The following VWC2 variants were observed in gnomAD, a reference collection of about 807,000 sequenced individuals.
VWC2 encodes the protein von Willebrand factor C domain containing 2, also known as brorin.
In VWC2, 14 loss-of-function variants were observed where a neutral mutation model predicts 29.8. The observed-to-expected ratio is 0.47, with a 90% CI of 0.31 to 0.74. VWC2 has a LOEUF of 0.74. Ranked by LOEUF, VWC2 falls within the 30% of genes least tolerant of loss-of-function variation. The pLI is 0.05. For missense variants in VWC2, 457 were observed against 459.8 expected (o/e 0.99, Z 0.05); for synonymous variants, 213 against 199.0 (o/e 1.07, Z -0.59).
Position 49,775,777 on chromosome 7 carries a change from C to T in VWC2, c.342C>T (p.Arg114=), listed in dbSNP as rs1281631745. The T allele has an allele frequency of 1.3e-6, 2 of 1,520,586 alleles. No homozygotes were observed. The highest frequency in any genetic ancestry group is 2.5e-5 in the East Asian group (1 of 39,920). 94.2% of individuals were successfully genotyped at this position (1,520,586 alleles called of 1,614,324 possible). A position where few individuals can be genotyped will look rare whatever the true frequency, so the allele number is the denominator to read the frequency against. ...AKAGDLQVRP[R]GDTPQAEALA... ...CCGGGGATCTGCAGGTCCGGCCCCG[C>T]GGGGACACCCCGCAGGCGGAAGCCC... is the stretch of plus-strand genomic sequence containing the variant. Residue 114 remains arginine, a synonymous_variant, in exon 2 of 4, where the codon CGC becomes CGT. Transcript: ENST00000340652.
chr7:49,878,713 T>TA (rs1791550336), intron 3 of VWC2, among the ~76,000 whole-genome samples: 1 of 152,180 alleles, frequency 6.6e-6, no homozygotes, highest in Admixed American at 6.5e-5. Flanking sequence ...CATAATCTTT[T>TA]AAAAAATTGC....
intron 2 of VWC2, among the ~76,000 whole-genome samples, chr7:49,795,890 T>G (rs2128704671): frequency 6.6e-6 from 1 of 152,184 alleles, no homozygotes; most frequent in South Asian, 2.1e-4. Context: ...CACATAGGGG[T>G]TAAGAACCTC....
rs1295274895 is a variant in VWC2, at chr7:49,886,828, C to A, written c.827-25206C>A. Among the ~76,000 whole-genome samples the A allele has an allele frequency of 5.3e-5, 8 of 152,126 alleles. No individual in the cohort carries two copies. The South Asian group carries it at 1.0e-3, about 20-fold the overall frequency. On this transcript the variant is annotated intron_variant, in intron 3 of 3. Transcript: ENST00000340652. ...ACTTTGGTGCTCCTCTGCTTTTAAT[C>A]AAAAATATTTAGCCTTTATTGCATA...
At chr7:49,839,985 C>T (rs568153851) in intron 3 of VWC2, among the ~76,000 whole-genome samples, 147 of 152,286 alleles carry the variant, frequency 9.7e-4, no homozygotes, top group African/African-American at 3.4e-3. Flanking sequence ...AGGGCCCAGG[C>T]AGTAAGGTCT....
chr7:49,891,738 C>G (rs952005574), intron 3 of VWC2, among the ~76,000 whole-genome samples: 6 of 152,194 alleles, frequency 3.9e-5, no homozygotes, highest in African/African-American at 1.4e-4. Context: ...AGTACACATG[C>G]CCTGTGACCC....
At chr7:49,807,907 A>C (rs759832366) in intron 3 of VWC2, among the ~76,000 whole-genome samples, 1 of 152,130 alleles carries the variant, frequency 6.6e-6, no homozygotes, top group Non-Finnish European at 1.5e-5. Context: ...CATCCAAATA[A>C]AGCAGAGAGA....
rs893934290 is a variant in VWC2 at position 49,919,526 on chromosome 7, T to G, written c.*7341T>G. ...GTGCCTGCTTGGGCTAGTTATACTC[T>G]GCAGTATACCCTGGTTTATTGTGAG... On this transcript the variant is annotated 3_prime_UTR_variant, in exon 4 of 4. Transcript: ENST00000340652. 1 of 152,180 alleles carries G rather than the reference T, an allele frequency of 6.6e-6. No individual in the cohort carries two copies. The highest frequency in any genetic ancestry group is 6.5e-5 in the Admixed American group (1 of 15,282). 9.4% of individuals were successfully genotyped at this position (152,180 alleles called of 1,614,324 possible). A position where few individuals can be genotyped will look rare whatever the true frequency, so the allele number is the denominator to read the frequency against.
chr7:49,833,852 T>G (rs538009110), intron 3 of VWC2, among the ~76,000 whole-genome samples: 1 of 152,320 alleles, frequency 6.6e-6, no homozygotes, highest in African/African-American at 2.4e-5. Context: ...AGATTCTATC[T>G]ATAAGTCAGG....
At chr7:49,791,324 C>T (rs1788458230) in intron 2 of VWC2, among the ~76,000 whole-genome samples, 2 of 152,174 alleles carry the variant, frequency 1.3e-5, no homozygotes, top group African/African-American at 2.4e-5. Flanking sequence ...GCTGCTTGTC[C>T]TGGGCTACGC....
intron 3 of VWC2, among the ~76,000 whole-genome samples, chr7:49,852,472 G>A (rs1032353893): frequency 1.3e-5 from 2 of 152,214 alleles, no homozygotes; most frequent in Non-Finnish European, 2.9e-5. Flanking sequence ...GCCCTTTAGG[G>A]AGATAATTTC....
At chr7:49,886,833 A>C (rs1791924862) in intron 3 of VWC2, among the ~76,000 whole-genome samples, 1 of 152,212 alleles carries the variant, frequency 6.6e-6, no homozygotes, top group Admixed American at 6.5e-5. Context: ...TTAATCAAAA[A>C]TATTTAGCCT....
At chr7:49,781,005 G>A (rs777033391) in intron 2 of VWC2, among the ~76,000 whole-genome samples, 2 of 152,130 alleles carry the variant, frequency 1.3e-5, no homozygotes, top group South Asian at 2.1e-4. Flanking sequence ...AGAAAGCTAC[G>A]GTTATTCACA....
At chr7:49,807,344 C>T (rs1788902302) in intron 3 of VWC2, among the ~76,000 whole-genome samples, 2 of 152,120 alleles carry the variant, frequency 1.3e-5, no homozygotes, top group Admixed American at 6.5e-5. Flanking sequence ...TGAGAAATAT[C>T]CAAGAGGAAC....
rs1388609094 is a variant in VWC2 at position 49,914,440 on chromosome 7, C to T, written c.*2255C>T. ...AGTTTGACCTGCAGGGTCACCAGCA[C>T]ACACTCCTAAGAGCTAAAGCTCAAT... is the stretch of plus-strand genomic sequence containing the variant. On this transcript the variant is annotated 3_prime_UTR_variant, in exon 4 of 4. Coordinates refer to ENST00000340652, the MANE Select transcript of VWC2 (RefSeq NM_198570.5). 6.6e-6 allele frequency: 1 copy of T among 152,226 alleles called. No homozygotes were observed. The allele number at this position is 152,226 out of a possible 1,614,324, so 9.4% of individuals were successfully genotyped here. A position where few individuals can be genotyped will look rare whatever the true frequency, so the allele number is the denominator to read the frequency against.
At chr7:49,828,256 T>G (rs1789448956) in intron 3 of VWC2, among the ~76,000 whole-genome samples, 1 of 152,216 alleles carries the variant, frequency 6.6e-6, no homozygotes, top group African/African-American at 2.4e-5. Flanking sequence ...AATTTGTAAG[T>G]GCATTCTTTT....
intron 2 of VWC2, among the ~76,000 whole-genome samples, chr7:49,783,424 T>C (rs999287967): frequency 1.3e-5 from 2 of 152,136 alleles, no homozygotes; most frequent in Non-Finnish European, 2.9e-5. Context: ...CCAGATGTTC[T>C]AGGGAAAAGA....
chr7:49,827,600 C>A (rs1442553159), intron 3 of VWC2, among the ~76,000 whole-genome samples: 2 of 151,676 alleles, frequency 1.3e-5, no homozygotes, highest in African/African-American at 4.8e-5. Flanking sequence ...AATTCATTTT[C>A]TAGGATTTAT....
In VWC2 at chr7:49,775,360, G is replaced by A; in HGVS notation, c.-76G>A. 1.7e-6 allele frequency: 2 copies of A among 1,199,102 alleles called. No homozygotes were observed. The highest frequency in any genetic ancestry group is 2.9e-5 in the South Asian group (1 of 34,714). The allele number at this position is 1,199,102 out of a possible 1,614,324, so 74.3% of individuals were successfully genotyped here. A position where few individuals can be genotyped will look rare whatever the true frequency, so the allele number is the denominator to read the frequency against. ...ACGGCGGCTCCCGGCTGGCGGCGGC[G>A]CGCCCCCGGGCTGTGAATGCGACTC... On this transcript the variant is annotated 5_prime_UTR_variant, in exon 2 of 4. Transcript: ENST00000340652.
At chr7:49,789,239 G>A (rs553615489) in intron 2 of VWC2, among the ~76,000 whole-genome samples, 1 of 143,196 alleles carries the variant, frequency 7.0e-6, no homozygotes, top group Non-Finnish European at 1.6e-5. Flanking sequence ...GTGTGTGAAA[G>A]AGTGTAGGTG....
Sources: allele counts gnomAD v4.1 joint callset (sites outside exome capture counted in the v4.1 genomes callset), GRCh38; gene constraint gnomAD v4.1.1; transcripts MANE v1.5; gene names NCBI Gene and HGNC (gene_info 2026-07-23, HGNC 2026-07-21).